DNER: variants seen among roughly 807,000 people sequenced by gnomAD.
The protein encoded by DNER is delta and Notch-like epidermal growth factor-related receptor.
A neutral mutation model predicts 78.2 loss-of-function variants in DNER; 33 were observed. The ratio of observed to expected loss-of-function variants is 0.42; its 90% CI spans 0.32 to 0.56. The LOEUF (loss-of-function observed/expected upper bound fraction) is 0.56. Among genes scored for constraint, DNER ranks in the 20% least tolerant of loss-of-function variants. The pLI, the probability that DNER is intolerant of heterozygous loss-of-function variation, is 0.11. For missense variants in DNER, 918 were observed against 975.3 expected (o/e 0.94, Z 0.78); for synonymous variants, 417 against 384.8 (o/e 1.08, Z -0.98).
At chr2:229,462,136 A>G (rs989275002) in intron 7 of DNER, among the ~76,000 whole-genome samples, 1 of 152,156 alleles carries the variant, frequency 6.6e-6, no homozygotes, top group Non-Finnish European at 1.5e-5. Flanking sequence ...TGAATTATTT[A>G]TTATGTAAGT....
intron 5 of DNER, among the ~76,000 whole-genome samples, chr2:229,523,170 G>C (rs76381883): frequency 0.081 from 12,366 of 152,236 alleles, 659 homozygotes; most frequent in Admixed American, 0.14. Context: ...GTAGCCCTGG[G>C]TTCCAGCCCC....
At chr2:229,508,608 G>A (rs895209698) in intron 6 of DNER, among the ~76,000 whole-genome samples, 29 of 152,240 alleles carry the variant, frequency 1.9e-4, no homozygotes, top group East Asian at 7.7e-4. Context: ...CAGGCTGGGC[G>A]CGGTGGCTCA....
intron 7 of DNER, among the ~76,000 whole-genome samples, chr2:229,452,883 C>T (rs1694491172): frequency 6.6e-6 from 1 of 152,248 alleles, no homozygotes; most frequent in Non-Finnish European, 1.5e-5. Context: ...TCGCCTCAGC[C>T]TCCCAAAGTG....
intron 7 of DNER, among the ~76,000 whole-genome samples, chr2:229,467,856 GA>G (rs1694836549): frequency 6.6e-6 from 1 of 152,134 alleles, no homozygotes; most frequent in East Asian, 1.9e-4. Context: ...AATAAAAAGC[GA>G]AAAACTTCTT....
chr2:229,429,792 G>A (rs960575618), intron 8 of DNER, among the ~76,000 whole-genome samples: 8 of 152,278 alleles, frequency 5.3e-5, no homozygotes, highest in East Asian at 1.9e-4. Flanking sequence ...TTTCCAATAC[G>A]AAACAGCCTG....
intron 1 of DNER, among the ~76,000 whole-genome samples, chr2:229,656,985 C>CGTGTGTGTGTGTGTGA (rs1698923313): frequency 6.7e-6 from 1 of 148,726 alleles, no homozygotes; most frequent in African/African-American, 2.5e-5. Context: ...ACAGTTACCA[C>CGTGTGTGTGTGTGTGA]GTGTGTGTGT....
At chr2:229,561,319 T>C (rs150998877) in intron 4 of DNER, among the ~76,000 whole-genome samples, 12 of 152,272 alleles carry the variant, frequency 7.9e-5, no homozygotes, top group African/African-American at 2.9e-4. Flanking sequence ...TCATTTGCTC[T>C]AGGGAAAAAA....
At chr2:229,509,058 G>T (rs1695808254) in intron 6 of DNER, among the ~76,000 whole-genome samples, 1 of 152,170 alleles carries the variant, frequency 6.6e-6, no homozygotes, top group Non-Finnish European at 1.5e-5. Context: ...TTCTGTTTTT[G>T]GTGGTGGTTT....
rs975334319 is a variant in DNER, at chr2:229,697,395, G to A, written c.276+16753C>T. On this transcript the variant is annotated intron_variant, in intron 1 of 12. Transcript: ENST00000341772. Reference sequence around the variant, plus strand: ...TTCATGGATACAGTGTTTCCTTTTGGGATGGCAAACATGTTTTGGAACTAG... The same window carrying A: ...TTCATGGATACAGTGTTTCCTTTTGAGATGGCAAACATGTTTTGGAACTAG... 2.0e-5 allele frequency among the ~76,000 whole-genome samples: 3 copies of A among 152,258 alleles called. No homozygotes were observed. The South Asian group carries it at 6.2e-4, about 32-fold the overall frequency.
At chr2:229,434,923 T>C (rs865908654) in intron 8 of DNER, among the ~76,000 whole-genome samples, 131 of 109,092 alleles carry the variant, frequency 1.2e-3, no homozygotes, top group African/African-American at 3.9e-3. Flanking sequence ...TATATATATA[T>C]ATACACACAC....
In DNER at chr2:229,546,814, C is replaced by CAGATAGATAGAT. The variant is rs1413221194; in HGVS notation, c.993+132_993+133insATCTATCTATCT. 4 of 1,290,066 alleles carry CAGATAGATAGAT rather than the reference C, an allele frequency of 3.1e-6. No homozygotes were observed. The African/African-American group carries it at 6.5e-5, about 21-fold the overall frequency. The allele number at this position is 1,290,066 out of a possible 1,614,324, so 79.9% of individuals were successfully genotyped here. A position where few individuals can be genotyped will look rare whatever the true frequency, so the allele number is the denominator to read the frequency against. On this transcript the variant is annotated intron_variant, in intron 5 of 12. Coordinates refer to ENST00000341772, the MANE Select transcript of DNER (RefSeq NM_139072.4). ...ATAGATAGATAGATAGACAGACAGA[C>CAGATAGATAGAT]AGACAGACAGACAGACAGATAGATA...
chr2:229,528,903 A>G (rs990854055), intron 5 of DNER, among the ~76,000 whole-genome samples: 1 of 152,194 alleles, frequency 6.6e-6, no homozygotes, highest in Non-Finnish European at 1.5e-5. Context: ...GAAAATGTCC[A>G]TGTCCCGGGG....
intron 4 of DNER, among the ~76,000 whole-genome samples, chr2:229,552,750 G>A (rs1441767776): frequency 6.6e-6 from 1 of 152,174 alleles, no homozygotes; most frequent in Non-Finnish European, 1.5e-5. Flanking sequence ...TTGTAGCGGT[G>A]TGAAAACTGA....
At chr2:229,506,773 G>GT (rs1429698907) in intron 6 of DNER, among the ~76,000 whole-genome samples, 1 of 151,466 alleles carries the variant, frequency 6.6e-6, no homozygotes, top group African/African-American at 2.4e-5. Flanking sequence ...GCGGTGTTTG[G>GT]TTTTCTGTCC....
chr2:229,438,433 G>A (rs1378409114), intron 8 of DNER, among the ~76,000 whole-genome samples: 1 of 152,170 alleles, frequency 6.6e-6, no homozygotes, highest in African/African-American at 2.4e-5. Flanking sequence ...GAGGATTAGG[G>A]TTAAAATATC....
chr2:229,515,174 T>C (rs941543819), intron 5 of DNER, among the ~76,000 whole-genome samples: 1 of 152,244 alleles, frequency 6.6e-6, no homozygotes, highest in African/African-American at 2.4e-5. Context: ...TTTGAGTTTT[T>C]TCCTTTTGTA....
At chr2:229,570,111 A>G (rs902197270) in intron 4 of DNER, among the ~76,000 whole-genome samples, 4 of 152,150 alleles carry the variant, frequency 2.6e-5, no homozygotes, top group African/African-American at 9.7e-5. Context: ...CCTGTAAGCA[A>G]GTTGGAGTTG....
intron 5 of DNER, among the ~76,000 whole-genome samples, chr2:229,542,871 C>A (rs565416713): frequency 1.4e-4 from 21 of 151,778 alleles, no homozygotes; most frequent in Non-Finnish European, 2.6e-4. Context: ...TAACAGTGTG[C>A]GCCAAGGTGG....
chr2:229,420,331 TATCAA>T (rs1693738787), intron 8 of DNER, among the ~76,000 whole-genome samples: 1 of 152,350 alleles, frequency 6.6e-6, no homozygotes, highest in South Asian at 2.1e-4. Flanking sequence ...ATTAACCCCT[TATCAA>T]ATGTATTGTT....
Sources: gnomAD v4.1 joint callset for allele counts (sites outside exome capture counted in the v4.1 genomes callset) on GRCh38, gnomAD v4.1.1 for gene constraint, MANE v1.5 for transcripts, NCBI Gene and HGNC (gene_info 2026-07-23, HGNC 2026-07-21) for gene names.